Variants in HPS1 observed in about 807,000 individuals in gnomAD.
HPS1 encodes BLOC-3 complex member HPS1.
In HPS1, 59 loss-of-function variants were observed where a neutral mutation model predicts 90.6. That is an observed-to-expected ratio of 0.65 (90% CI 0.53 to 0.81). HPS1 has a LOEUF of 0.81. Among genes scored for constraint, HPS1 ranks in the 30% least tolerant of loss-of-function variants. The pLI is 0.00. For synonymous variants in HPS1, 388 were observed against 384.4 expected, an observed-to-expected ratio of 1.01 and a Z score of -0.11; for missense variants, 849 against 896.7, an observed-to-expected ratio of 0.95 and a Z score of 0.68.
intron 3 of HPS1, among the ~76,000 whole-genome samples, chr10:98,441,432 G>T (rs11189606): frequency 0.029 from 4,389 of 152,162 alleles, 104 homozygotes; most frequent in Non-Finnish European, 0.043. Flanking sequence ...ACTTTCAAAA[G>T]AATATGTAGA....
chr10:98,419,934 A>G (rs917400331), intron 18 of HPS1, 111 bp downstream of exon 18: 12 of 834,534 alleles, frequency 1.4e-5, no homozygotes, highest in Non-Finnish European at 2.1e-6. Context: ...TACCAGCAAC[A>G]AGAAGAGAAG....
At position 98,424,479 on chromosome 10, in the gene HPS1, G is replaced by C. The variant is rs77457247; in HGVS notation, c.1336-105C>G. The C allele has an allele frequency of 7.0e-3, 6,906 of 982,016 alleles. 264 individuals are homozygous for C. In the African/African-American group the frequency reaches 0.088, roughly 13 times the overall value. The allele number at this position is 982,016 out of a possible 1,614,324, so 60.8% of individuals were successfully genotyped here. ...GCTCTGAGAGGGCACAGGGCCCCCA[G>C]ACAAATCTGCCCTTCTGGCCAATGC... On this transcript the variant is annotated intron_variant, in intron 13 of 19. Transcript: ENST00000361490.
rs767846252 is a variant in HPS1, at chr10:98,424,351, G to A, written c.1359C>T (p.Ala453=). 11 of 1,612,698 alleles carry A rather than the reference G, an allele frequency of 6.8e-6. No individual in the cohort carries two copies. Among genetic ancestry groups the A allele is most frequent in the African/African-American group, 5.3e-5 (4 of 74,872 alleles). The part of the protein sequence containing the change: ...EIQSTWLEFK[A]KAFSKSEPGS... ...CGGGCTCACTTTTGGAGAAAGCCTT[G>A]GCCTTAAACTCCAGCCAGGTGCTCT... Residue 453 remains alanine (A), a synonymous_variant, in exon 14 of 20, where the codon GCC becomes GCT. Transcript: ENST00000361490.
chr10:98,431,811 C>G (rs1047935460), intron 6 of HPS1, among the ~76,000 whole-genome samples: 1 of 151,970 alleles, frequency 6.6e-6, no homozygotes, highest in African/African-American at 2.4e-5. Context: ...TTCCAGTGAC[C>G]ACATTAAAAA....
Position 98,423,946 on chromosome 10 carries a change from G to A in HPS1, c.1398-59C>T, listed in dbSNP as rs569153821. ...GGGACCTAGGGGAGCCCCTCGCCCT[G>A]TGTGGACCACCTTGTTCCTGCACCC... On this transcript the variant is annotated intron_variant, in intron 14 of 19. Transcript: ENST00000361490. 18 of 1,597,850 alleles carry A rather than the reference G, an allele frequency of 1.1e-5. No homozygotes were observed. The East Asian group carries it at 3.8e-4, about 34-fold the overall frequency.
chr10:98,420,648 C>T (rs1463563004), intron 17 of HPS1, among the ~76,000 whole-genome samples: 2 of 151,936 alleles, frequency 1.3e-5, no homozygotes, highest in South Asian at 2.1e-4. Context: ...CCCAGGAGGT[C>T]GAGGCTGCAG....
intron 2 of HPS1, among the ~76,000 whole-genome samples, chr10:98,444,665 T>C (rs991248403): frequency 2.0e-5 from 3 of 152,260 alleles, no homozygotes; most frequent in African/African-American, 7.2e-5. Context: ...TCCAGCTTAG[T>C]GGTCCTTACT....
Position 98,422,402 on chromosome 10 carries a change from G to A in HPS1, c.1710C>T (p.Gly570=). 6.2e-7 allele frequency: 1 copy of A among 1,611,952 alleles called. No individual in the cohort carries two copies. The highest frequency in any genetic ancestry group is 8.5e-7 in the Non-Finnish European group (1 of 1,178,672). The change falls in exon 17 of 20, where the codon GGC becomes GGT. Residue 570 remains glycine (G), a synonymous_variant. Transcript: ENST00000361490. ...TGACAAAGGCAGCCAGCGGCCCCTTGCCCAACTCCGACGAGGTCTTTTGAC... is the reference window on the plus strand; with the variant it reads ...TGACAAAGGCAGCCAGCGGCCCCTTACCCAACTCCGACGAGGTCTTTTGAC... ...NCSQKTSSEL[G]KGPLAAFVKT...
downstream of HPS1, among the ~76,000 whole-genome samples, chr10:98,416,024 C>T (rs1266116079): frequency 6.6e-6 from 1 of 152,168 alleles, no homozygotes; most frequent in Non-Finnish European, 1.5e-5. Context: ...AGGAAAAAAC[C>T]CCTTGGAGCG....
chr10:98,444,970 C>T (rs10786422), intron 2 of HPS1, among the ~76,000 whole-genome samples: 45,423 of 151,972 alleles, frequency 0.3, 7,375 homozygotes, highest in East Asian at 0.43. Flanking sequence ...GAGAAGTGAC[C>T]GGCTGGCTGG....
In HPS1 at chr10:98,426,046, G is replaced by A. The variant is rs1591056328; in HGVS notation, c.988-61C>T. ...TCCCTAAGTTGGACCCACCCATTGCGGCCCTATCTGTGAACCACAAGAAAT... is the reference window on the plus strand; with the variant it reads ...TCCCTAAGTTGGACCCACCCATTGCAGCCCTATCTGTGAACCACAAGAAAT... On this transcript the variant is annotated intron_variant, in intron 11 of 19. Coordinates refer to ENST00000361490, the MANE Select transcript of HPS1 (RefSeq NM_000195.5). 7 of 1,434,056 alleles carry A rather than the reference G, an allele frequency of 4.9e-6. No individual in the cohort carries two copies. In the South Asian group the frequency reaches 5.7e-5, roughly 12 times the overall value. 88.8% of individuals were successfully genotyped at this position (1,434,056 alleles called of 1,614,324 possible). A position where few individuals can be genotyped will look rare whatever the true frequency, so the allele number is the denominator to read the frequency against.
intron 6 of HPS1, 84 bp downstream of exon 6, chr10:98,433,899 A>C: frequency 1.3e-6 from 2 of 1,530,836 alleles, no homozygotes; most frequent in Non-Finnish European, 1.8e-6. Context: ...TTCATTCATT[A>C]GGGTTAAAAC....
downstream of HPS1, among the ~76,000 whole-genome samples, chr10:98,414,559 G>A (rs905971055): frequency 6.6e-6 from 1 of 152,198 alleles, no homozygotes; most frequent in African/African-American, 2.4e-5. Context: ...GACGAGGGGT[G>A]GCCTCAGTGG....
intron 10 of HPS1, among the ~76,000 whole-genome samples, chr10:98,428,894 T>C (rs1204788964): frequency 6.6e-6 from 1 of 151,650 alleles, no homozygotes; most frequent in East Asian, 1.9e-4. Flanking sequence ...CAGGCTGGAG[T>C]GCAGTGGCAT....
At chr10:98,421,906 TG>T (rs1156325104) in intron 17 of HPS1, among the ~76,000 whole-genome samples, 1 of 151,920 alleles carries the variant, frequency 6.6e-6, no homozygotes, top group Non-Finnish European at 1.5e-5. Flanking sequence ...CTTCCCATCT[TG>T]TTTTAAACAT....
At chr10:98,440,957 T>C (rs1180333040) in intron 3 of HPS1, among the ~76,000 whole-genome samples, 1 of 152,218 alleles carries the variant, frequency 6.6e-6, no homozygotes, top group Admixed American at 6.5e-5. Context: ...TAAAAAAGCC[T>C]AACAGTTAGC....
Position 98,422,597 on chromosome 10 carries a change from T to C in HPS1, c.1599-84A>G. 3.5e-6 allele frequency: 5 copies of C among 1,412,504 alleles called. 1 individual carries two copies. In the South Asian group the frequency reaches 4.6e-5, roughly 13 times the overall value. 87.5% of individuals were successfully genotyped at this position (1,412,504 alleles called of 1,614,324 possible). A position where few individuals can be genotyped will look rare whatever the true frequency, so the allele number is the denominator to read the frequency against. On this transcript the variant is annotated intron_variant, in intron 16 of 19. Transcript: ENST00000361490. ...CTGGGCTTCTAGCTGTGCCCAGTCA[T>C]GGTGGCAGGAGGGCCAGGACTGCCT...
chr10:98,416,792 G>C lies in HPS1; in HGVS notation c.*772C>G, dbSNP rs1390598782. 2 of 152,334 alleles carry C rather than the reference G, an allele frequency of 1.3e-5. No individual in the cohort carries two copies. The highest frequency in any genetic ancestry group is 4.8e-5 in the African/African-American group (2 of 41,448). 9.4% of individuals were successfully genotyped at this position (152,334 alleles called of 1,614,324 possible). On this transcript the variant is annotated 3_prime_UTR_variant, in exon 20 of 20. Transcript: ENST00000361490. Reference sequence around the variant, plus strand: ...GGAACTTCTCGGTTGGAAGAGAGGGGCTGTACCCCTCGGGTGGTGGTTCTC... The same window carrying C: ...GGAACTTCTCGGTTGGAAGAGAGGGCCTGTACCCCTCGGGTGGTGGTTCTC...
Position 98,417,785 on chromosome 10 carries a change from A to G in HPS1, c.1941-59T>C. 6.5e-7 allele frequency: 1 copy of G among 1,539,996 alleles called. No individual in the cohort carries two copies. Among genetic ancestry groups the G allele is most frequent in the Non-Finnish European group, 9.0e-7 (1 of 1,114,434 alleles). Reference sequence around the variant, plus strand: ...GAGGCTGTGGCACTCCTCCAGCGCCAGAGGCCTCTCTGGGCCCTCGCAAGC... The same window carrying G: ...GAGGCTGTGGCACTCCTCCAGCGCCGGAGGCCTCTCTGGGCCCTCGCAAGC... On this transcript the variant is annotated intron_variant, in intron 19 of 19. Transcript: ENST00000361490. This position sits in a 1 kb window ranked among gnomAD's most constrained non-coding sequence, Gnocchi z 4.2.
Sources: allele counts gnomAD v4.1 joint callset (sites outside exome capture counted in the v4.1 genomes callset), GRCh38; gene constraint gnomAD v4.1.1; non-coding constraint Gnocchi (gnomAD v3.1); transcripts MANE v1.5; gene names NCBI Gene and HGNC (gene_info 2026-07-23, HGNC 2026-07-21).